RGS12: variants seen among roughly 807,000 people sequenced by gnomAD.
The protein encoded by RGS12 is regulator of G protein signaling 12.
In RGS12, 66 loss-of-function variants were observed where a neutral mutation model predicts 120.1. The observed-to-expected ratio is 0.55, with a 90% CI of 0.45 to 0.67. The LOEUF (loss-of-function observed/expected upper bound fraction) is 0.67, where lower values mean the gene tolerates loss of function less well. Among genes scored for constraint, RGS12 ranks in the 30% least tolerant of loss-of-function variants. The pLI is 0.00. For missense variants in RGS12, 1,859 were observed against 1,957.7 expected (o/e 0.95, Z 0.95); for synonymous variants, 827 against 804.7 (o/e 1.03, Z -0.47).
At chr4:3,370,127 A>G in intron 3 of RGS12, 1 of 1,468,310 alleles carries the variant, frequency 6.8e-7, no homozygotes, top group Non-Finnish European at 9.1e-7. Flanking sequence ...AGCTTCCTGC[A>G]GTGTCCTGTT....
At chr4:3,403,774 A>C (rs1261927099) in intron 4 of RGS12, among the ~76,000 whole-genome samples, 1 of 152,236 alleles carries the variant, frequency 6.6e-6, no homozygotes, top group Admixed American at 6.5e-5. Flanking sequence ...AGCCCCTCAC[A>C]GGGATTCCCG....
At chr4:3,401,851 G>A (rs1051906288) in intron 4 of RGS12, among the ~76,000 whole-genome samples, 1 of 152,254 alleles carries the variant, frequency 6.6e-6, no homozygotes, top group African/African-American at 2.4e-5. Flanking sequence ...GAAGAGAATG[G>A]GCAGAATGGC....
intron 2 of RGS12, among the ~76,000 whole-genome samples, chr4:3,323,717 T>C (rs532887333): frequency 2.6e-4 from 40 of 152,202 alleles, no homozygotes; most frequent in Non-Finnish European, 4.3e-4. Context: ...TAAAGTTCTA[T>C]CTTTGTATAT....
At chr4:3,361,034 A>G (rs1715506261) in intron 3 of RGS12, among the ~76,000 whole-genome samples, 1 of 152,246 alleles carries the variant, frequency 6.6e-6, no homozygotes, top group Non-Finnish European at 1.5e-5. Context: ...ACTGCCCACC[A>G]GTGGTGGAAA....
rs144095971 is a variant in RGS12 at position 3,316,467 on chromosome 4, C to T, written c.297C>T (p.Val99=). 3.4e-5 allele frequency: 55 copies of T among 1,614,164 alleles called. No individual in the cohort carries two copies. In the East Asian group the frequency reaches 5.6e-4, roughly 16 times the overall value. The change falls in exon 2 of 18, where the codon GTC becomes GTT. Residue 99 remains valine (V), a synonymous_variant. Transcript: ENST00000336727. The part of the protein sequence containing the change: ...GVLHMVIAEG[V]GRFESCSSDE... ...TTCACATGGTGATTGCTGAAGGCGTCGGCCGCTTCGAATCCTGTTCCAGTG... is the reference window on the plus strand; with the variant it reads ...TTCACATGGTGATTGCTGAAGGCGTTGGCCGCTTCGAATCCTGTTCCAGTG...
intron 1 of RGS12, among the ~76,000 whole-genome samples, chr4:3,296,499 T>C (rs570850556): frequency 6.6e-6 from 1 of 152,302 alleles, no homozygotes; most frequent in African/African-American, 2.4e-5. Flanking sequence ...TTCTGTCTTC[T>C]TCTGCCATGT....
chr4:3,287,801 TA>T, the RGS12 span, among the ~76,000 whole-genome samples: 1 of 152,152 alleles, frequency 6.6e-6, no homozygotes, highest in Non-Finnish European at 1.5e-5. Context: ...ACCTGGAAGG[TA>T]GTCCCGGGAC....
At chr4:3,434,323 A>C (rs572621349) in intron 17 of RGS12, among the ~76,000 whole-genome samples, 21 of 152,178 alleles carry the variant, frequency 1.4e-4, no homozygotes, top group Non-Finnish European at 2.6e-4. Context: ...ACCTGGTCCC[A>C]CCCTTGATAC....
intron 2 of RGS12, chr4:3,342,312 G>C (rs1713315150): frequency 1.2e-6 from 1 of 846,322 alleles, no homozygotes; most frequent in African/African-American, 1.8e-5. Flanking sequence ...CTTCTCATCT[G>C]GGGAAGTGTC....
intron 1 of RGS12, among the ~76,000 whole-genome samples, chr4:3,309,591 T>G (rs1247189496): frequency 5.8e-5 from 5 of 86,628 alleles, no homozygotes; most frequent in Admixed American, 1.3e-4. Flanking sequence ...GGAACTGTGT[T>G]GAGGAGGAGC....
chr4:3,420,355 T>C (rs1722870443), intron 9 of RGS12: 1 of 521,904 alleles, frequency 1.9e-6, no homozygotes, highest in South Asian at 2.1e-5. Context: ...GCACCTGCCA[T>C]GAGCCAAGCA....
At chr4:3,407,857 C>G (rs1721325573) in intron 4 of RGS12, among the ~76,000 whole-genome samples, 1 of 152,196 alleles carries the variant, frequency 6.6e-6, no homozygotes, top group South Asian at 2.1e-4. Context: ...GTAACGTAAC[C>G]TACATGTTTG....
chr4:3,437,290 A>T (rs1052432552), intron 17 of RGS12, among the ~76,000 whole-genome samples: 4 of 152,118 alleles, frequency 2.6e-5, no homozygotes, highest in Non-Finnish European at 4.4e-5. Context: ...TCCAGAAACA[A>T]GTGTTTCTCC....
At chr4:3,364,886 C>T (rs1716136525) in intron 3 of RGS12, among the ~76,000 whole-genome samples, 1 of 152,012 alleles carries the variant, frequency 6.6e-6, no homozygotes, top group Admixed American at 6.5e-5. Context: ...CTTGGCACCT[C>T]TGCTTGGAAG....
intron 13 of RGS12, 32 bp downstream of exon 13, chr4:3,423,673 C>T (rs747804625): frequency 1.3e-6 from 2 of 1,587,566 alleles, no homozygotes; most frequent in Non-Finnish European, 8.5e-7. Flanking sequence ...GGCGTCGTCA[C>T]CGCAGGCACT....
intron 15 of RGS12, 71 bp from the exon 16 acceptor site, chr4:3,428,487 C>G: frequency 1.5e-6 from 2 of 1,329,290 alleles, no homozygotes; most frequent in Non-Finnish European, 1.0e-6. Flanking sequence ...GCCTTCTACT[C>G]TCTAACTAAT....
chr4:3,433,725 C>T lies in RGS12; in HGVS notation c.4114+2770C>T, dbSNP rs1724557899. 6.6e-6 allele frequency among the ~76,000 whole-genome samples: 1 copy of T among 152,100 alleles called. No individual in the cohort carries two copies. Among genetic ancestry groups the T allele is most frequent in the Non-Finnish European group, 1.5e-5 (1 of 68,002 alleles). ...GCCTCAGCGTCATGCACCGCACCGC[C>T]CCATGCTTCTAGCCCCAGCGCCACA... On this transcript the variant is annotated intron_variant, in intron 17 of 17. Transcript: ENST00000336727. This position sits in a 1 kb window ranked among gnomAD's most constrained non-coding sequence, Gnocchi z 4.4.
intron 3 of RGS12, among the ~76,000 whole-genome samples, chr4:3,371,834 C>T (rs151044508): frequency 6.3e-4 from 96 of 152,280 alleles, no homozygotes; most frequent in Admixed American, 2.4e-3. Flanking sequence ...CGTCCGTGTC[C>T]GCAGCAGCGC....
intron 4 of RGS12, among the ~76,000 whole-genome samples, chr4:3,403,830 A>C (rs192237539): frequency 6.6e-6 from 1 of 152,380 alleles, no homozygotes; most frequent in Non-Finnish European, 1.5e-5. Flanking sequence ...AAGTTTGAAA[A>C]GCATCTTCCA....
Sources: gnomAD v4.1 joint callset for allele counts (sites outside exome capture counted in the v4.1 genomes callset) on GRCh38, gnomAD v4.1.1 for gene constraint, Gnocchi (gnomAD v3.1) non-coding constraint, MANE v1.5 for transcripts, NCBI Gene and HGNC (gene_info 2026-07-23, HGNC 2026-07-21) for gene names.